Variants in GRID2 observed in about 807,000 individuals in gnomAD.
The protein encoded by GRID2 is glutamate receptor ionotropic, delta-2.
A neutral mutation model predicts 114.8 loss-of-function variants in GRID2; 33 were observed. That is an observed-to-expected ratio of 0.29 (90% CI 0.22 to 0.38). The LOEUF (loss-of-function observed/expected upper bound fraction) is 0.38. Among genes scored for constraint, GRID2 ranks in the 10% least tolerant of loss-of-function variants. The pLI is 1.00. For synonymous variants in GRID2, 505 were observed against 449.9 expected (o/e 1.12, Z -1.55); for missense variants, 1,184 against 1,257.7 (o/e 0.94, Z 0.89).
At chr4:92,854,056 G>T (rs939126042) in intron 2 of GRID2, among the ~76,000 whole-genome samples, 3 of 150,340 alleles carry the variant, frequency 2.0e-5, no homozygotes, top group African/African-American at 7.3e-5. Context: ...AATGACTCCA[G>T]AGTGCCAGAG....
chr4:93,458,542 T>C (rs986465085), intron 11 of GRID2, among the ~76,000 whole-genome samples: 41 of 152,202 alleles, frequency 2.7e-4, no homozygotes, highest in African/African-American at 9.9e-4. Context: ...AAGAATTTTA[T>C]GTTCCAGGTT....
intron 2 of GRID2, among the ~76,000 whole-genome samples, chr4:92,938,634 T>A (rs1006891897): frequency 8.2e-5 from 12 of 146,514 alleles, no homozygotes; most frequent in African/African-American, 2.9e-4. Flanking sequence ...TACATATGTA[T>A]ACATGTACCA....
chr4:92,405,906 C>G (rs113222415), intron 1 of GRID2, among the ~76,000 whole-genome samples: 3 of 152,108 alleles, frequency 2.0e-5, no homozygotes, highest in African/African-American at 7.2e-5. Context: ...TTAAATTACA[C>G]AATCACAAGG....
chr4:93,617,842 C>T (rs1318927134), intron 13 of GRID2, among the ~76,000 whole-genome samples: 1 of 152,130 alleles, frequency 6.6e-6, no homozygotes, highest in African/African-American at 2.4e-5. Context: ...AACAGCAAAT[C>T]ACAGTTGCCA....
rs972824675 is a variant in GRID2, at chr4:93,771,230, A to G, written c.2602-846A>G. Among the ~76,000 whole-genome samples, 7 of 152,234 alleles carry G rather than the reference A, an allele frequency of 4.6e-5. No individual in the cohort carries two copies. In the East Asian group the frequency reaches 1.2e-3, roughly 25 times the overall value. On this transcript the variant is annotated intron_variant, in intron 15 of 15. Coordinates refer to ENST00000282020, the MANE Select transcript of GRID2 (RefSeq NM_001510.4). Reference sequence around the variant, plus strand: ...TTAATACTCACTTTTAGTGAAAAATATAAGGAACTTATCAATGGGTTTCAA... The same window carrying G: ...TTAATACTCACTTTTAGTGAAAAATGTAAGGAACTTATCAATGGGTTTCAA...
intron 13 of GRID2, among the ~76,000 whole-genome samples, chr4:93,547,242 T>C (rs936224921): frequency 6.6e-6 from 1 of 152,158 alleles, no homozygotes; most frequent in Non-Finnish European, 1.5e-5. Context: ...TACAAAAATA[T>C]TTTTTTCCTA....
In GRID2 at chr4:93,771,204, G is replaced by A. The variant is rs141476110; in HGVS notation, c.2602-872G>A. 5.8e-4 allele frequency among the ~76,000 whole-genome samples: 89 copies of A among 152,162 alleles called. 1 individual carries two copies. The highest frequency in any genetic ancestry group is 1.8e-3 in the African/African-American group (75 of 41,536). ...CAGTTTTATTTCTCAAATATTGGGC[G>A]TTAATACTCACTTTTAGTGAAAAAT... On this transcript the variant is annotated intron_variant, in intron 15 of 15. Transcript: ENST00000282020.
At chr4:93,590,984 A>C (rs377635008) in intron 13 of GRID2, among the ~76,000 whole-genome samples, 1 of 151,544 alleles carries the variant, frequency 6.6e-6, no homozygotes, top group Non-Finnish European at 1.5e-5. Context: ...CTAGATATAC[A>C]ATCATGTCAT....
At chr4:93,332,291 T>C (rs368149558) in intron 8 of GRID2, among the ~76,000 whole-genome samples, 2 of 107,282 alleles carry the variant, frequency 1.9e-5, no homozygotes, top group African/African-American at 5.4e-5. Flanking sequence ...TGTGTGTGTG[T>C]GTGTGTGTGA....
rs532978938 is a variant in GRID2, at chr4:92,985,597, T to C, written c.245-99398T>C. Among the ~76,000 whole-genome samples, 3 of 152,224 alleles carry C rather than the reference T, an allele frequency of 2.0e-5. 1 individual carries two copies. The South Asian group carries it at 6.2e-4, about 32-fold the overall frequency. On this transcript the variant is annotated intron_variant, in intron 2 of 15. Coordinates refer to ENST00000282020, the MANE Select transcript of GRID2 (RefSeq NM_001510.4). ...TAGTCAACGTTCTTCTCTCCCCTCT[T>C]CTCTCCTGAAAGCATGACAAAAAAA...
chr4:93,405,272 A>G (rs1766298258), intron 9 of GRID2, among the ~76,000 whole-genome samples: 1 of 152,176 alleles, frequency 6.6e-6, no homozygotes, highest in Non-Finnish European at 1.5e-5. Context: ...TAGAGCAACC[A>G]TAGTATATGT....
At chr4:93,628,504 G>A (rs971374784) in intron 14 of GRID2, among the ~76,000 whole-genome samples, 2 of 152,102 alleles carry the variant, frequency 1.3e-5, no homozygotes, top group African/African-American at 4.8e-5. Flanking sequence ...GGGGCAAGGG[G>A]AAATACGGAG....
chr4:92,397,143 T>C (rs1340873546), intron 1 of GRID2, among the ~76,000 whole-genome samples: 2 of 152,086 alleles, frequency 1.3e-5, no homozygotes, highest in Non-Finnish European at 2.9e-5. Context: ...ATGTAAAACT[T>C]TAAAAATCAG....
chr4:92,397,468 A>G (rs1730553472), intron 1 of GRID2, among the ~76,000 whole-genome samples: 1 of 152,024 alleles, frequency 6.6e-6, no homozygotes, highest in Non-Finnish European at 1.5e-5. Flanking sequence ...GTCAAAAAAT[A>G]TAATAGAAGG....
chr4:93,592,095 C>T (rs965298785), intron 13 of GRID2, among the ~76,000 whole-genome samples: 9 of 152,128 alleles, frequency 5.9e-5, no homozygotes, highest in African/African-American at 2.2e-4. Context: ...TTGCCTTCTG[C>T]TACCTTTTGA....
chr4:93,224,641 G>A lies in GRID2; in HGVS notation c.991G>A (p.Val331Met), dbSNP rs760570729. 1 of 1,610,678 alleles carries A rather than the reference G, an allele frequency of 6.2e-7. No individual in the cohort carries two copies. The highest frequency in any genetic ancestry group is 8.5e-7 in the Non-Finnish European group (1 of 1,177,622). ...EISNLYIYDTVLLLANAFHKK... is the reference protein window; with the variant it reads ...EISNLYIYDTMLLLANAFHKK... Reference sequence around the variant, plus strand: ...TTCCAACCTTTACATATATGACACGGTGCTTCTGCTTGCTAATGCTTTTCA... The same window carrying A: ...TTCCAACCTTTACATATATGACACGATGCTTCTGCTTGCTAATGCTTTTCA... Residue 331 changes from valine to methionine, a missense_variant, in exon 7 of 16, where the codon GTG (valine) becomes ATG (methionine). Coordinates refer to ENST00000282020, the MANE Select transcript of GRID2 (RefSeq NM_001510.4).
chr4:93,747,795 C>G (rs1159361585), intron 14 of GRID2, among the ~76,000 whole-genome samples: 1 of 151,586 alleles, frequency 6.6e-6, no homozygotes, highest in African/African-American at 2.4e-5. Flanking sequence ...TTTGTTTTCC[C>G]CCCCAGTGGA....
intron 2 of GRID2, among the ~76,000 whole-genome samples, chr4:92,626,016 A>C (rs956171634): frequency 1.1e-4 from 16 of 151,970 alleles, no homozygotes; most frequent in South Asian, 2.1e-4. Flanking sequence ...GGAAGTCTAG[A>C]TATCCTAATT....
At chr4:92,905,935 A>T (rs1387201500) in intron 2 of GRID2, among the ~76,000 whole-genome samples, 1 of 152,158 alleles carries the variant, frequency 6.6e-6, no homozygotes, top group Non-Finnish European at 1.5e-5. Flanking sequence ...AAGTCTTAAT[A>T]TGCATATTAC....
Sources: allele counts gnomAD v4.1 joint callset (sites outside exome capture counted in the v4.1 genomes callset), GRCh38; gene constraint gnomAD v4.1.1; transcripts MANE v1.5; gene names NCBI Gene and HGNC (gene_info 2026-07-23, HGNC 2026-07-21).